ZNF114: variants seen among roughly 807,000 people sequenced by gnomAD.
ZNF114 encodes zinc finger protein 114 (Y18).
A neutral mutation model predicts 6.8 loss-of-function variants in ZNF114; 8 were observed. That is an observed-to-expected ratio of 1.18 (90% CI 0.69 to 2.13). The LOEUF (loss-of-function observed/expected upper bound fraction) is 2.13, where lower values mean the gene tolerates loss of function less well. Among genes scored for constraint, ZNF114 ranks in the 30% most tolerant of loss-of-function variants. The pLI, the probability that ZNF114 is intolerant of heterozygous loss-of-function variation, is 0.00. For missense variants in ZNF114, 472 were observed against 519.5 expected (o/e 0.91, Z 0.89); for synonymous variants, 169 against 185.5 (o/e 0.91, Z 0.72).
rs748060512 is a variant in ZNF114, at chr19:48,282,386, G to T, written c.25G>T (p.Ala9Ser). Residue 9 changes from alanine to serine, a missense_variant, in exon 5 of 6, where the codon GCA (alanine) becomes TCA (serine). Coordinates refer to ENST00000595607, the MANE Select transcript of ZNF114 (RefSeq NM_153608.4). ...GTTATTTTAGGACTCGGTGACCTTCGCAGACGTGGCTGTGAACTTCACCAA... is the reference window on the plus strand; with the variant it reads ...GTTATTTTAGGACTCGGTGACCTTCTCAGACGTGGCTGTGAACTTCACCAA... Reference protein sequence around the residue: MSQDSVTFADVAVNFTKEE... With the variant: MSQDSVTFSDVAVNFTKEE... 3.1e-6 allele frequency: 5 copies of T among 1,612,814 alleles called. No homozygotes were observed. Among genetic ancestry groups the T allele is most frequent in the Non-Finnish European group, 4.2e-6 (5 of 1,179,384 alleles).
intron 3 of ZNF114, among the ~76,000 whole-genome samples, chr19:48,276,074 C>CTTT (rs34454372): frequency 3.8e-4 from 28 of 73,462 alleles, no homozygotes; most frequent in South Asian, 5.5e-4. Flanking sequence ...CCTCTTACCT[C>CTTT]TTTTTTTTTT....
chr19:48,285,570 G>A (rs530803904), intron 5 of ZNF114, among the ~76,000 whole-genome samples, 191 bp from the exon 6 acceptor site: 2 of 150,228 alleles, frequency 1.3e-5, no homozygotes, highest in East Asian at 1.9e-4. Flanking sequence ...GAGGAAGGAA[G>A]GAAGGGAAAG....
rs984070813 is a variant in ZNF114, at chr19:48,271,822, T to A, written c.-76T>A. 2 of 152,010 alleles carry A rather than the reference T, an allele frequency of 1.3e-5. No individual in the cohort carries two copies. The highest frequency in any genetic ancestry group is 4.8e-5 in the African/African-American group (2 of 41,330). 9.4% of individuals were successfully genotyped at this position (152,010 alleles called of 1,614,324 possible). On this transcript the variant is annotated 5_prime_UTR_variant, in exon 3 of 6. Coordinates refer to ENST00000595607, the MANE Select transcript of ZNF114 (RefSeq NM_153608.4). ...AGAGACATCTGGAAGCCGGAGCTAG[T>A]GGAAGAGTAAGTGTGCCTGAGTGTC...
intron 3 of ZNF114, among the ~76,000 whole-genome samples, chr19:48,275,455 C>CAA (rs1408612847): frequency 7.0e-6 from 1 of 142,336 alleles, no homozygotes; most frequent in African/African-American, 2.5e-5. Context: ...CACACACACA[C>CAA]ACAAAATAGC....
chr19:48,271,055 CA>C (rs57292804), intron 1 of ZNF114, 189 bp from the exon 2 acceptor site: 107 of 101,768 alleles, frequency 1.1e-3, no homozygotes, highest in Non-Finnish European at 8.9e-4. Flanking sequence ...GACTCCGTCT[CA>C]AAAAAAAAAA....
At chr19:48,280,057 G>A (rs1213907593) in intron 4 of ZNF114, among the ~76,000 whole-genome samples, 3 of 152,090 alleles carry the variant, frequency 2.0e-5, no homozygotes, top group East Asian at 1.9e-4. Flanking sequence ...TGGGCTTCAC[G>A]TTCTGCTGCA....
chr19:48,281,112 C>T (rs1455121888), intron 4 of ZNF114, among the ~76,000 whole-genome samples: 1 of 152,158 alleles, frequency 6.6e-6, no homozygotes, highest in Non-Finnish European at 1.5e-5. Context: ...CACTGCACTC[C>T]AGCCTGGGTG....
intron 3 of ZNF114, among the ~76,000 whole-genome samples, chr19:48,274,312 A>C (rs1967762534): frequency 6.6e-6 from 1 of 151,574 alleles, no homozygotes; most frequent in Non-Finnish European, 1.5e-5. Context: ...AGTTTCTTCC[A>C]AATATCATGT....
intron 1 of ZNF114, among the ~76,000 whole-genome samples, chr19:48,270,709 AAG>A (rs1967633591): frequency 1.1e-5 from 1 of 93,858 alleles, no homozygotes; most frequent in South Asian, 3.4e-4. Flanking sequence ...GAGGAAAAGA[AAG>A]AAAGAGAAGA....
chr19:48,282,331 C>G (rs957916736), intron 4 of ZNF114, 40 bp from the exon 5 acceptor site: 2 of 1,609,520 alleles, frequency 1.2e-6, no homozygotes, highest in South Asian at 1.1e-5. Context: ...AAACTGATAA[C>G]AGGACACCCC....
chr19:48,278,468 C>A (rs1967905367), intron 3 of ZNF114, among the ~76,000 whole-genome samples: 1 of 152,156 alleles, frequency 6.6e-6, no homozygotes, highest in Non-Finnish European at 1.5e-5. Flanking sequence ...ACACTGTGGT[C>A]TTTTGTGTCT....
At chr19:48,276,678 C>T (rs955889071) in intron 3 of ZNF114, among the ~76,000 whole-genome samples, 4 of 152,186 alleles carry the variant, frequency 2.6e-5, no homozygotes, top group African/African-American at 7.2e-5. Context: ...CGCACGCCAG[C>T]GTGCCCACCT....
chr19:48,278,712 C>T (rs1158470592), intron 3 of ZNF114, among the ~76,000 whole-genome samples: 5 of 152,220 alleles, frequency 3.3e-5, no homozygotes, highest in African/African-American at 1.2e-4. Flanking sequence ...GAGGGCGAGG[C>T]GGGCGGATCA....
chr19:48,284,986 C>G (rs931169815), intron 5 of ZNF114, among the ~76,000 whole-genome samples: 1 of 152,044 alleles, frequency 6.6e-6, no homozygotes, highest in Non-Finnish European at 1.5e-5. Context: ...CACATGGACT[C>G]TCTGTCCAAT....
Position 48,286,084 on chromosome 19 carries a change from G to T in ZNF114, c.460G>T (p.Asp154Tyr). ...DSIRQCILTR[D>Y]SSIFKYNPVL... is the part of the protein sequence containing the mutation. ...CATAAGACAATGTATCCTAACACGT[G>T]ACTCAAGTATTTTCAAGTATAATCC... Residue 154 changes from aspartate to tyrosine, a missense_variant, in exon 6 of 6, where the codon GAC becomes TAC. By Grantham distance (160) the Asp-to-Tyr change is radical. Transcript: ENST00000595607. 6.2e-7 allele frequency: 1 copy of T among 1,614,034 alleles called. No homozygotes were observed. Among genetic ancestry groups the T allele is most frequent in the South Asian group, 1.1e-5 (1 of 91,052 alleles).
intron 1 of ZNF114, among the ~76,000 whole-genome samples, chr19:48,270,437 AAAGG>A (rs1234441552): frequency 5.5e-5 from 8 of 146,756 alleles, no homozygotes; most frequent in East Asian, 2.1e-4. Context: ...AAAAAATAAA[AAAGG>A]AAGGAAGGGA....
In ZNF114 at chr19:48,286,560, CTTTT is replaced by C. The variant is rs751350196; in HGVS notation, c.940_943del (p.Phe314IlefsTer6). On this transcript the variant is annotated frameshift_variant, in exon 6 of 6. Transcript: ENST00000595607. LOFTEE classifies it low-confidence loss of function (END_TRUNC). ...ATAAATGCCCCGAATGTGGGAGAGC[CTTTT>C]TTTATCAGTCATTCCTTATGAGACA... is the stretch of plus-strand genomic sequence containing the variant. 6.2e-7 allele frequency: 1 copy of C among 1,614,066 alleles called. No individual in the cohort carries two copies. Among genetic ancestry groups the C allele is most frequent in the Non-Finnish European group, 8.5e-7 (1 of 1,180,024 alleles).
In ZNF114 at chr19:48,285,845, T is replaced by A; in HGVS notation, c.221T>A (p.Val74Glu). The A allele has an allele frequency of 6.2e-7, 1 of 1,613,978 alleles. No individual in the cohort carries two copies. The highest frequency in any genetic ancestry group is 8.5e-7 in the Non-Finnish European group (1 of 1,179,990). ...AGAACATTTCCTGAAGCCAACAGAG[T>A]GTGTCTCACGAGCATCAGTTCCCAG... The part of the protein sequence containing the change: ...PKRTFPEANR[V>E]CLTSISSQHS... The change falls in exon 6 of 6, where the codon GTG becomes GAG. Residue 74 changes from valine to glutamate, a missense_variant. Physicochemically the swap from Val to Glu is moderately radical, Grantham distance 121. Coordinates refer to ENST00000595607, the MANE Select transcript of ZNF114 (RefSeq NM_153608.4).
chr19:48,278,309 GAA>G (rs1967902175), intron 3 of ZNF114, among the ~76,000 whole-genome samples: 1 of 152,130 alleles, frequency 6.6e-6, no homozygotes, highest in Non-Finnish European at 1.5e-5. Context: ...CTCAAATTTA[GAA>G]CATTTCCATC....
Sources: allele counts gnomAD v4.1 joint callset (sites outside exome capture counted in the v4.1 genomes callset), GRCh38; gene constraint gnomAD v4.1.1; transcripts MANE v1.5; gene names NCBI Gene and HGNC (gene_info 2026-07-23, HGNC 2026-07-21).